The following ZNF236 variants were observed in gnomAD, a reference collection of about 807,000 sequenced individuals.
The protein encoded by ZNF236 is regulated by glucose.
A neutral mutation model predicts 191.2 loss-of-function variants in ZNF236; 50 were observed. The ratio of observed to expected loss-of-function variants is 0.26; its 90% CI spans 0.21 to 0.33. The LOEUF is 0.33. ZNF236 is among the 10% of genes least tolerant of loss of function. The pLI, the probability that ZNF236 is intolerant of heterozygous loss-of-function variation, is 1.00. For missense variants in ZNF236, 1,754 were observed against 2,374.5 expected, an observed-to-expected ratio of 0.74 and a Z score of 5.43; for synonymous variants, 907 against 928.8, an observed-to-expected ratio of 0.98 and a Z score of 0.43.
At chr18:76,825,013 T>A (rs1413342131) in intron 1 of ZNF236, among the ~76,000 whole-genome samples, 1 of 152,210 alleles carries the variant, frequency 6.6e-6, no homozygotes, top group Non-Finnish European at 1.5e-5. Flanking sequence ...TCCTCATCCC[T>A]TTAACAGAAA....
In ZNF236 at chr18:76,872,202, C is replaced by T. The variant is rs533149004; in HGVS notation, c.667+377C>T. Among the ~76,000 whole-genome samples, 19 of 152,292 alleles carry T rather than the reference C, an allele frequency of 1.2e-4. No individual in the cohort carries two copies. The South Asian group carries it at 3.7e-3, about 30-fold the overall frequency. On this transcript the variant is annotated intron_variant, in intron 5 of 30. Transcript: ENST00000320610. ...TAATTAGAGCTAAATTAACAAAGAC[C>T]GGATGTGGTGGCTTACATCCATAAT...
intron 1 of ZNF236, among the ~76,000 whole-genome samples, chr18:76,827,229 A>G (rs1274883002): frequency 6.6e-6 from 1 of 151,788 alleles, no homozygotes; most frequent in Non-Finnish European, 1.5e-5. Context: ...CTTTTTGCCC[A>G]GGCTGGAGTG....
At chr18:76,956,858 AGGAGCGTGCAGCAC>A (rs1267110003) in intron 28 of ZNF236, among the ~76,000 whole-genome samples, 4 of 152,176 alleles carry the variant, frequency 2.6e-5, no homozygotes, top group Non-Finnish European at 5.9e-5. Flanking sequence ...TGGAACACAG[AGGAGCGTGCAGCAC>A]GGATGCCTAG....
intron 1 of ZNF236, chr18:76,834,591 G>A: frequency 2.2e-6 from 1 of 464,934 alleles, no homozygotes; most frequent in Non-Finnish European, 4.2e-6. Flanking sequence ...GCACAGTTGG[G>A]GTGAATGCCT....
At chr18:76,956,516 G>A (rs577076782) in intron 28 of ZNF236, among the ~76,000 whole-genome samples, 66 of 152,316 alleles carry the variant, frequency 4.3e-4, no homozygotes, top group African/African-American at 1.4e-3. Flanking sequence ...GCTCGCTCAC[G>A]TAATTGCTAG....
intron 3 of ZNF236, among the ~76,000 whole-genome samples, chr18:76,864,191 AAT>A: frequency 6.6e-6 from 1 of 151,046 alleles, no homozygotes; most frequent in Admixed American, 6.6e-5. Flanking sequence ...TCTTACAACA[AAT>A]ATCTTTTTTT....
In ZNF236 at chr18:76,910,135, G is replaced by A. The variant is rs753514687; in HGVS notation, c.2619G>A (p.Ala873=). Residue 873 remains alanine, a synonymous_variant, in exon 15 of 31, where the codon GCG becomes GCA. Transcript: ENST00000320610. ...HVDQFEEQSP[A]QQSFEPAGLP... is the part of the protein sequence containing the mutation. ...ACCAGTTTGAAGAGCAGAGCCCTGCGCAACAGTCCTTCGAACCAGCAGGGC... is the reference window on the plus strand; with the variant it reads ...ACCAGTTTGAAGAGCAGAGCCCTGCACAACAGTCCTTCGAACCAGCAGGGC... The A allele has an allele frequency of 7.4e-6, 12 of 1,613,216 alleles. No individual in the cohort carries two copies. The highest frequency in any genetic ancestry group is 1.1e-5 in the South Asian group (1 of 91,080).
chr18:76,832,676 G>A (rs988347222), intron 1 of ZNF236, among the ~76,000 whole-genome samples: 11 of 151,414 alleles, frequency 7.3e-5, no homozygotes, highest in African/African-American at 2.4e-4. Context: ...CCTCCATTTA[G>A]TTTTTAATTT....
At chr18:76,898,080 C>G (rs1417159303) in intron 10 of ZNF236, 1 of 152,182 alleles carries the variant, frequency 6.6e-6, no homozygotes, top group Non-Finnish European at 1.5e-5. Flanking sequence ...GTGAGCCTTT[C>G]TGAGAATACA....
In ZNF236 at chr18:76,971,508, C is replaced by T. The variant is rs146663474; in HGVS notation, c.*3169C>T. ...ATGTTTCCTTCGTGCATATTTTCTACTCCCCTGTTGTAATATTTTAAGGAA... is the reference window on the plus strand; with the variant it reads ...ATGTTTCCTTCGTGCATATTTTCTATTCCCCTGTTGTAATATTTTAAGGAA... On this transcript the variant is annotated 3_prime_UTR_variant, in exon 31 of 31. Coordinates refer to ENST00000320610, the MANE Select transcript of ZNF236 (RefSeq NM_001306089.2). Among the ~76,000 whole-genome samples the T allele has an allele frequency of 6.6e-6, 1 of 152,338 alleles. No individual in the cohort carries two copies. Among genetic ancestry groups the T allele is most frequent in the African/African-American group, 2.4e-5 (1 of 41,592 alleles).
intron 18 of ZNF236, 83 bp downstream of exon 18, chr18:76,913,981 A>AC: frequency 6.9e-7 from 1 of 1,453,528 alleles, no homozygotes; most frequent in Non-Finnish European, 9.5e-7. Flanking sequence ...CATTCAGTTC[A>AC]CCCACTTAAA....
At chr18:76,959,900 A>G in intron 29 of ZNF236, 84 bp downstream of exon 29, 2 of 1,466,550 alleles carry the variant, frequency 1.4e-6, no homozygotes, top group Non-Finnish European at 1.9e-6. Flanking sequence ...CCTGTGCAAT[A>G]TTCACGAGCG....
intron 28 of ZNF236, among the ~76,000 whole-genome samples, chr18:76,958,719 C>T (rs1291117877): frequency 6.6e-6 from 1 of 152,166 alleles, no homozygotes; most frequent in African/African-American, 2.4e-5. Context: ...CTGGTCAGGC[C>T]TCACCTGCAG....
At chr18:76,848,471 G>A (rs972271470) in intron 1 of ZNF236, among the ~76,000 whole-genome samples, 1 of 151,838 alleles carries the variant, frequency 6.6e-6, no homozygotes, top group Admixed American at 6.6e-5. Flanking sequence ...TTTATTTTAC[G>A]GCATTTTTGA....
rs530358664 is a variant in ZNF236 at position 76,829,525 on chromosome 18, G to A, written c.55+6863G>A. 2.4e-4 allele frequency among the ~76,000 whole-genome samples: 36 copies of A among 152,064 alleles called. No individual in the cohort carries two copies. The East Asian group carries it at 5.2e-3, about 22-fold the overall frequency. On this transcript the variant is annotated intron_variant, in intron 1 of 30. Transcript: ENST00000320610. Reference sequence around the variant, plus strand: ...GTATTTTTTGTAGAGATGGGGTTTCGCCATGTTACTCAAGCTGGTCTCAAC... The same window carrying A: ...GTATTTTTTGTAGAGATGGGGTTTCACCATGTTACTCAAGCTGGTCTCAAC...
chr18:76,854,119 G>A (rs1472405049), intron 3 of ZNF236, among the ~76,000 whole-genome samples: 1 of 152,026 alleles, frequency 6.6e-6, no homozygotes, highest in Admixed American at 6.6e-5. Context: ...AAAACAGGTT[G>A]ATTTAGCCAT....
At chr18:76,869,363 T>C (rs574828633) in intron 4 of ZNF236, among the ~76,000 whole-genome samples, 5 of 152,342 alleles carry the variant, frequency 3.3e-5, no homozygotes, top group African/African-American at 1.2e-4. Context: ...AGTAGTTCTA[T>C]GAGATTTTGT....
In ZNF236 at chr18:76,851,890, C is replaced by T. The variant is rs1374700291; in HGVS notation, c.314C>T (p.Ser105Phe). The change falls in exon 3 of 31, where the codon TCC (serine) becomes TTC (phenylalanine). Residue 105 changes from serine to phenylalanine, a missense_variant. This residue lies in a region of ZNF236 where 336 missense variants were observed against 495.1 expected (regional missense o/e 0.68). Transcript: ENST00000320610. ...PTCPVCNKKF[S>F]RVASLKAHIM... ...TGCCCTGTGTGTAACAAGAAATTCT[C>T]CAGAGTGGCTAGTCTCAAAGCGCAT... is the stretch of plus-strand genomic sequence containing the variant. 1 of 1,613,718 alleles carries T rather than the reference C, an allele frequency of 6.2e-7. No homozygotes were observed.
intron 27 of ZNF236, among the ~76,000 whole-genome samples, chr18:76,951,572 G>A (rs190624902): frequency 3.3e-5 from 5 of 152,346 alleles, no homozygotes; most frequent in East Asian, 3.9e-4. Flanking sequence ...TGGCTTAAGC[G>A]AGGATTGTGG....
Sources: allele counts gnomAD v4.1 joint callset (sites outside exome capture counted in the v4.1 genomes callset), GRCh38; gene constraint gnomAD v4.1.1; regional missense constraint gnomAD v4.1.1; transcripts MANE v1.5; gene names NCBI Gene and HGNC (gene_info 2026-07-23, HGNC 2026-07-21).